Variants in CADPS2 observed in about 807,000 individuals in gnomAD.
The protein encoded by CADPS2 is calcium-dependent secretion activator 2.
In CADPS2, 93 loss-of-function variants were observed where a neutral mutation model predicts 172.5. That is an observed-to-expected ratio of 0.54 (90% CI 0.46 to 0.64). The LOEUF is 0.64. CADPS2 is among the 30% of genes least tolerant of loss of function. CADPS2 has a pLI of 0.00. For missense variants in CADPS2, 1,420 were observed against 1,565.9 expected (o/e 0.91, Z 1.57); for synonymous variants, 546 against 555.2 (o/e 0.98, Z 0.23).
At chr7:122,677,641 T>C (rs2082522602) in intron 2 of CADPS2, among the ~76,000 whole-genome samples, 1 of 152,066 alleles carries the variant, frequency 6.6e-6, no homozygotes, top group African/African-American at 2.4e-5. Context: ...ATCTTAAAGG[T>C]AAACAACAAC....
rs1423549694 is a variant in CADPS2 at position 122,451,349 on chromosome 7, T to G, written c.2288+25A>C. The G allele has an allele frequency of 4.1e-6, 5 of 1,209,056 alleles. 1 individual carries two copies. The highest frequency in any genetic ancestry group is 2.9e-4 in the Middle Eastern group (1 of 3,488). 74.9% of individuals were successfully genotyped at this position (1,209,056 alleles called of 1,614,324 possible). On this transcript the variant is annotated intron_variant, in intron 15 of 29. Coordinates refer to ENST00000449022, the MANE Select transcript of CADPS2 (RefSeq NM_017954.11). ...GTTGAGTAAAGTATGAAAAGAAATA[T>G]TTATATTAATAAAAAAATATATACC...
intron 3 of CADPS2, among the ~76,000 whole-genome samples, chr7:122,633,486 G>A (rs2076773360): frequency 6.6e-6 from 1 of 152,012 alleles, no homozygotes; most frequent in Non-Finnish European, 1.5e-5. Flanking sequence ...TTCTTGATTT[G>A]GCTCTCAGCT....
At position 122,559,834 on chromosome 7, in the gene CADPS2, C is replaced by T. The variant is rs185296361; in HGVS notation, c.1336-5145G>A. 5.3e-5 allele frequency among the ~76,000 whole-genome samples: 8 copies of T among 150,362 alleles called. No individual in the cohort carries two copies. The East Asian group carries it at 1.4e-3, about 26-fold the overall frequency. ...GAAGATAACCCGAGAACCCTCTGGG[C>T]ACCACCTTTCTAGAGTTAGGAAAAG... On this transcript the variant is annotated intron_variant, in intron 7 of 29. Transcript: ENST00000449022.
intron 2 of CADPS2, chr7:122,681,671 G>T: frequency 7.8e-7 from 1 of 1,275,794 alleles, no homozygotes; most frequent in Non-Finnish European, 1.1e-6. Flanking sequence ...AAGGAGCTGA[G>T]TTCTTAAAGA....
At chr7:122,339,850 A>C (rs1224310451) in intron 28 of CADPS2, among the ~76,000 whole-genome samples, 1 of 152,130 alleles carries the variant, frequency 6.6e-6, no homozygotes, top group Non-Finnish European at 1.5e-5. Context: ...CCACCATTGC[A>C]CTCCAGCCTT....
At chr7:122,324,321 T>C (rs1378546055) in intron 29 of CADPS2, among the ~76,000 whole-genome samples, 1 of 152,174 alleles carries the variant, frequency 6.6e-6, no homozygotes, top group Admixed American at 6.5e-5. Context: ...AAATAATTTG[T>C]ATTCTAATTA....
chr7:122,761,632 T>C (rs2138754469), intron 1 of CADPS2, among the ~76,000 whole-genome samples: 1 of 151,566 alleles, frequency 6.6e-6, no homozygotes, highest in Admixed American at 6.6e-5. Flanking sequence ...AAAAATAAAA[T>C]ACACAACAGG....
intron 1 of CADPS2, among the ~76,000 whole-genome samples, chr7:122,782,905 A>G (rs976594979): frequency 8.5e-5 from 13 of 152,140 alleles, no homozygotes; most frequent in African/African-American, 2.9e-4. Flanking sequence ...CTTTTCTTAT[A>G]TTGACTCTAT....
At chr7:122,492,583 G>A (rs2058390135) in intron 9 of CADPS2, among the ~76,000 whole-genome samples, 1 of 152,216 alleles carries the variant, frequency 6.6e-6, no homozygotes, top group African/African-American at 2.4e-5. Context: ...CCCCAACAGA[G>A]ATAGAGGGAG....
intron 8 of CADPS2, among the ~76,000 whole-genome samples, chr7:122,522,210 A>G (rs2060860822): frequency 6.6e-6 from 1 of 152,058 alleles, no homozygotes; most frequent in Admixed American, 6.6e-5. Context: ...CACTTCCCAG[A>G]TTCAAGAGAT....
chr7:122,850,305 A>G (rs1005239799), intron 1 of CADPS2: 1 of 543,812 alleles, frequency 1.8e-6, no homozygotes, highest in Non-Finnish European at 3.1e-6. Flanking sequence ...GGGGATGAAG[A>G]CTTCTCCTCC....
intron 1 of CADPS2, among the ~76,000 whole-genome samples, chr7:122,863,488 A>G (rs1477247689): frequency 6.6e-6 from 1 of 152,142 alleles, no homozygotes; most frequent in African/African-American, 2.4e-5. Context: ...ACCCCCACAA[A>G]TGTTTTAAAT....
chr7:122,750,248 A>G (rs1251113084), intron 1 of CADPS2, among the ~76,000 whole-genome samples: 2 of 152,126 alleles, frequency 1.3e-5, no homozygotes, highest in Non-Finnish European at 2.9e-5. Context: ...TTTACATTTG[A>G]ATTTCAGGTA....
chr7:122,424,345 C>T, intron 17 of CADPS2: 1 of 984,898 alleles, frequency 1.0e-6, no homozygotes, highest in Non-Finnish European at 1.2e-6. Flanking sequence ...TCTTTCGCAT[C>T]TGTAAATTCA....
chr7:122,330,567 G>A (rs1194244176), intron 28 of CADPS2: 2 of 152,182 alleles, frequency 1.3e-5, no homozygotes, highest in Non-Finnish European at 2.9e-5. Context: ...AGACCCCCAG[G>A]CACAAGCATT....
intron 6 of CADPS2, among the ~76,000 whole-genome samples, chr7:122,589,851 T>C (rs2070463756): frequency 6.6e-6 from 1 of 151,922 alleles, no homozygotes; most frequent in Non-Finnish European, 1.5e-5. Context: ...CATGTATCTC[T>C]ATGCTTATGT....
intron 8 of CADPS2, among the ~76,000 whole-genome samples, chr7:122,552,278 A>G (rs913883401): frequency 3.3e-5 from 5 of 152,164 alleles, no homozygotes; most frequent in Admixed American, 2.0e-4. Context: ...ACATTGCTTC[A>G]ATGTATACAT....
chr7:122,633,430 C>T (rs149270011), intron 3 of CADPS2, among the ~76,000 whole-genome samples: 3 of 151,870 alleles, frequency 2.0e-5, no homozygotes, highest in East Asian at 1.9e-4. Context: ...AGATGTATTC[C>T]TGGGTTTTTT....
chr7:122,451,519 T>C, intron 14 of CADPS2, 44 bp from the exon 15 acceptor site: 1 of 1,119,850 alleles, frequency 8.9e-7, no homozygotes, highest in South Asian at 1.5e-5. Flanking sequence ...GATCGAACAT[T>C]TACTTTTATA....
Sources: allele counts gnomAD v4.1 joint callset (sites outside exome capture counted in the v4.1 genomes callset), GRCh38; gene constraint gnomAD v4.1.1; transcripts MANE v1.5; gene names NCBI Gene and HGNC (gene_info 2026-07-23, HGNC 2026-07-21).